The following SYT1 variants were observed in gnomAD, a reference collection of about 807,000 sequenced individuals.
SYT1 encodes synaptotagmin-1.
Under a neutral mutation model 44.8 loss-of-function variants are expected in SYT1, and 8 were observed. The ratio of observed to expected loss-of-function variants is 0.18; its 90% CI spans 0.10 to 0.32. The LOEUF is 0.32. Ranked by LOEUF, SYT1 falls within the 10% of genes least tolerant of loss-of-function variation. The pLI is 1.00. For missense variants in SYT1, 286 were observed against 509.3 expected, an observed-to-expected ratio of 0.56 and a Z score of 4.22; for synonymous variants, 154 against 188.8, an observed-to-expected ratio of 0.82 and a Z score of 1.51.
intron 2 of SYT1, among the ~76,000 whole-genome samples, chr12:78,993,245 C>G (rs1870142604): frequency 6.6e-6 from 1 of 152,146 alleles, no homozygotes; most frequent in Non-Finnish European, 1.5e-5. Flanking sequence ...ATCAGAACAA[C>G]CAGGTGTTCT....
intron 3 of SYT1, among the ~76,000 whole-genome samples, chr12:79,118,063 C>G (rs1471994587): frequency 2.0e-5 from 3 of 152,154 alleles, no homozygotes; most frequent in Admixed American, 6.5e-5. Context: ...CCTCCCTGCT[C>G]TTGTCTCTTA....
chr12:78,912,594 A>G (rs973183913), intron 1 of SYT1, among the ~76,000 whole-genome samples: 1 of 151,932 alleles, frequency 6.6e-6, no homozygotes, highest in African/African-American at 2.4e-5. Context: ...TATGTAATGG[A>G]AGTAGTCTGA....
At chr12:79,034,757 C>T (rs781557792) in intron 2 of SYT1, among the ~76,000 whole-genome samples, 164 of 151,758 alleles carry the variant, frequency 1.1e-3, no homozygotes, top group Non-Finnish European at 2.0e-3. Flanking sequence ...TATAAAGGTC[C>T]AGGATACCTG....
At chr12:79,368,275 A>G (rs1192282067) in intron 9 of SYT1, among the ~76,000 whole-genome samples, 2 of 151,916 alleles carry the variant, frequency 1.3e-5, no homozygotes, top group African/African-American at 4.8e-5. Flanking sequence ...TATGTGCCAC[A>G]TTTTCTTAAT....
intron 3 of SYT1, among the ~76,000 whole-genome samples, chr12:79,106,993 CATAGAAAAA>C (rs1878753521): frequency 6.6e-6 from 1 of 151,714 alleles, no homozygotes; most frequent in Non-Finnish European, 1.5e-5. Flanking sequence ...AATTCGGGTT[CATAGAAAAA>C]ATTCTTTCTT....
chr12:79,045,492 C>T lies in SYT1; in HGVS notation c.-83-1805C>T, dbSNP rs182970949. On this transcript the variant is annotated intron_variant, in intron 2 of 10. Transcript: ENST00000261205. ...CCCCTGTTTCGGCTCGCGCACGGTG[C>T]GCACACCCACTGACCTGCTCCCACT... 1,544 of 156,906 alleles carry T rather than the reference C, an allele frequency of 9.8e-3. 11 individuals carry two copies. The highest frequency in any genetic ancestry group is 0.026 in the South Asian group (128 of 4,952). The allele number at this position is 156,906 out of a possible 1,614,324, so 9.7% of individuals were successfully genotyped here. A position where few individuals can be genotyped will look rare whatever the true frequency, so the allele number is the denominator to read the frequency against.
intron 9 of SYT1, among the ~76,000 whole-genome samples, chr12:79,418,679 T>C (rs1918186): frequency 0.025 from 3,876 of 152,166 alleles, 162 homozygotes; most frequent in East Asian, 0.18. Flanking sequence ...GATGTCTGAG[T>C]AGAGAGACAA....
rs144591118 is a variant in SYT1, at chr12:78,955,843, TAGAG to T, written c.-216-21940_-216-21937del. Among the ~76,000 whole-genome samples the T allele has an allele frequency of 2.6e-3, 383 of 144,722 alleles. 5 individuals are homozygous for T. Among genetic ancestry groups the T allele is most frequent in the African/African-American group, 8.7e-3 (344 of 39,472 alleles). The allele number at this position is 144,722 out of a possible 152,430, so 94.9% of individuals were successfully genotyped here. On this transcript the variant is annotated intron_variant, in intron 1 of 10. Coordinates refer to ENST00000261205, the MANE Select transcript of SYT1 (RefSeq NM_005639.3). ...GTGTGTGTGTGTGTGTGTGTGCATG[TAGAG>T]AGAGAGAGAGAGAGAAGCACTCAAA... is the stretch of plus-strand genomic sequence containing the variant.
intron 3 of SYT1, among the ~76,000 whole-genome samples, chr12:79,087,312 C>T (rs977904475): frequency 6.6e-6 from 1 of 152,160 alleles, no homozygotes; most frequent in South Asian, 2.1e-4. Flanking sequence ...TTATGGAACT[C>T]GTTAACTTAT....
chr12:79,391,810 C>T (rs2136095124), intron 9 of SYT1, among the ~76,000 whole-genome samples: 1 of 152,128 alleles, frequency 6.6e-6, no homozygotes, highest in South Asian at 2.1e-4. Flanking sequence ...TGATCAGAAA[C>T]CAAAGGATTT....
rs535742320 is a variant in SYT1 at position 78,882,675 on chromosome 12, CTT to C, written c.-217+17567_-217+17568del. ...ACATTAAGTTTGAAAATATTGAAAACTTAAACGATTTTAAAGAAGAAATATAT... is the reference window on the plus strand; with the variant it reads ...ACATTAAGTTTGAAAATATTGAAAACAAACGATTTTAAAGAAGAAATATAT... On this transcript the variant is annotated intron_variant, in intron 1 of 10. Transcript: ENST00000261205. 1.6e-3 allele frequency among the ~76,000 whole-genome samples: 238 copies of C among 151,758 alleles called. 1 individual carries two copies. Among genetic ancestry groups the C allele is most frequent in the African/African-American group, 5.5e-3 (230 of 41,478 alleles).
chr12:79,298,564 T>C (rs548893099), intron 7 of SYT1, among the ~76,000 whole-genome samples: 1 of 152,282 alleles, frequency 6.6e-6, no homozygotes, highest in South Asian at 2.1e-4. Flanking sequence ...AATTTCTTAA[T>C]TAGGTATTTC....
At chr12:79,228,568 T>G (rs1169205412) in intron 4 of SYT1, among the ~76,000 whole-genome samples, 1 of 152,152 alleles carries the variant, frequency 6.6e-6, no homozygotes, top group Non-Finnish European at 1.5e-5. Flanking sequence ...TGTTATGATC[T>G]TTTCTCCCAT....
At chr12:79,052,906 G>A (rs1462819000) in intron 3 of SYT1, among the ~76,000 whole-genome samples, 1 of 152,166 alleles carries the variant, frequency 6.6e-6, no homozygotes, top group Non-Finnish European at 1.5e-5. Context: ...TACACTGTTG[G>A]TGGGACTGTA....
At chr12:78,876,866 A>ATATGTATTAC (rs1565697808) in intron 1 of SYT1, among the ~76,000 whole-genome samples, 3 of 12,894 alleles carry the variant, frequency 2.3e-4, no homozygotes, top group South Asian at 0.01. Flanking sequence ...TAATATATAT[A>ATATGTATTAC]ATATATTATA....
At chr12:78,887,481 T>C (rs1209961129) in intron 1 of SYT1, among the ~76,000 whole-genome samples, 2 of 151,920 alleles carry the variant, frequency 1.3e-5, no homozygotes, top group African/African-American at 4.8e-5. Context: ...TATGCTGAGA[T>C]CATTAACAGC....
chr12:78,992,400 T>G (rs1870080147), intron 2 of SYT1, among the ~76,000 whole-genome samples: 1 of 152,188 alleles, frequency 6.6e-6, no homozygotes, highest in Non-Finnish European at 1.5e-5. Flanking sequence ...TAAATAGTGC[T>G]TCATAAACAG....
intron 3 of SYT1, among the ~76,000 whole-genome samples, chr12:79,075,385 G>A (rs570913247): frequency 1.3e-5 from 2 of 152,136 alleles, no homozygotes; most frequent in South Asian, 4.2e-4. Flanking sequence ...CCTTGCCCTA[G>A]CAGACATTTA....
At chr12:79,131,141 TGTTTTATTATACTTTAA>T (rs1436624595) in intron 3 of SYT1, among the ~76,000 whole-genome samples, 3 of 152,044 alleles carry the variant, frequency 2.0e-5, no homozygotes, top group Admixed American at 2.0e-4. Flanking sequence ...CTTTGCCCAT[TGTTTTATTATACTTTAA>T]GTTCTGGGAT....
Sources: gnomAD v4.1 joint callset for allele counts (sites outside exome capture counted in the v4.1 genomes callset) on GRCh38, gnomAD v4.1.1 for gene constraint, MANE v1.5 for transcripts, NCBI Gene and HGNC (gene_info 2026-07-23, HGNC 2026-07-21) for gene names.